Variants in ENOX1 observed in about 807,000 individuals in gnomAD.
ENOX1 encodes ecto-NOX disulfide-thiol exchanger 1.
A neutral mutation model predicts 82.5 loss-of-function variants in ENOX1; 42 were observed. The ratio of observed to expected loss-of-function variants is 0.51; its 90% CI spans 0.40 to 0.66. The LOEUF (loss-of-function observed/expected upper bound fraction) is 0.66, where lower values mean the gene tolerates loss of function less well. ENOX1 is among the 30% of genes least tolerant of loss of function. The probability of loss-of-function intolerance (pLI) is 0.00; values close to 1 mark genes in which losing one functional copy is unlikely to be tolerated. For synonymous variants in ENOX1, 271 were observed against 282.2 expected (o/e 0.96, Z 0.40); for missense variants, 608 against 811.6 (o/e 0.75, Z 3.05).
intron 3 of ENOX1, among the ~76,000 whole-genome samples, chr13:43,435,853 A>T (rs142656600): frequency 6.6e-6 from 1 of 152,222 alleles, no homozygotes; most frequent in Non-Finnish European, 1.5e-5. Context: ...TTGAGGCAGA[A>T]GAAAGGTGTT....
intron 3 of ENOX1, among the ~76,000 whole-genome samples, chr13:43,436,803 G>T (rs1442402764): frequency 6.6e-6 from 1 of 151,996 alleles, no homozygotes; most frequent in East Asian, 1.9e-4. Flanking sequence ...AAACACACAG[G>T]TATCAGGGCT....
chr13:43,671,589 A>G (rs1229297645), intron 1 of ENOX1, among the ~76,000 whole-genome samples: 1 of 152,186 alleles, frequency 6.6e-6, no homozygotes, highest in Non-Finnish European at 1.5e-5. Flanking sequence ...CATTTCTTCA[A>G]AGGTTTCTGA....
chr13:43,678,746 T>A (rs547378920), intron 1 of ENOX1, among the ~76,000 whole-genome samples: 1 of 144,828 alleles, frequency 6.9e-6, no homozygotes, highest in East Asian at 1.9e-4. Flanking sequence ...AGTCACACAC[T>A]CGATACACTG....
chr13:43,713,197 T>C lies in ENOX1; in HGVS notation c.-284-45653A>G, dbSNP rs554689124. Among the ~76,000 whole-genome samples, 38 of 152,330 alleles carry C rather than the reference T, an allele frequency of 2.5e-4. No homozygotes were observed. In the East Asian group the frequency reaches 7.1e-3, roughly 29 times the overall value. On this transcript the variant is annotated intron_variant, in intron 1 of 16. Transcript: ENST00000690772. Reference sequence around the variant, plus strand: ...ATGTGGTTTTTGTCTTTGGTTCTGTTTATATGCTGGATTACATTTATTGAT... The same window carrying C: ...ATGTGGTTTTTGTCTTTGGTTCTGTCTATATGCTGGATTACATTTATTGAT...
intron 8 of ENOX1, among the ~76,000 whole-genome samples, chr13:43,348,950 C>T (rs2049577854): frequency 6.6e-6 from 1 of 152,162 alleles, no homozygotes; most frequent in Admixed American, 6.5e-5. Flanking sequence ...TAAAAAGAAG[C>T]TTGTGCATAG....
intron 12 of ENOX1, among the ~76,000 whole-genome samples, chr13:43,291,143 CCTT>C (rs1374838928): frequency 1.3e-5 from 2 of 152,062 alleles, no homozygotes; most frequent in South Asian, 2.1e-4. Context: ...TTTTTCTTGT[CCTT>C]CTATGCTTGT....
chr13:43,769,937 A>T (rs1395572452), intron 1 of ENOX1, among the ~76,000 whole-genome samples: 1 of 152,236 alleles, frequency 6.6e-6, no homozygotes, highest in African/African-American at 2.4e-5. Context: ...TTCATGGCTT[A>T]GATGGCTTAT....
chr13:43,544,914 C>T (rs2078908627), intron 2 of ENOX1: 1 of 152,160 alleles, frequency 6.6e-6, no homozygotes, highest in South Asian at 2.1e-4. Flanking sequence ...TAAGAGAGAA[C>T]AGTGGTTTTG....
chr13:43,451,177 T>A (rs1484778560), intron 3 of ENOX1, among the ~76,000 whole-genome samples: 4 of 152,128 alleles, frequency 2.6e-5, no homozygotes, highest in African/African-American at 9.7e-5. Flanking sequence ...ACATACCGAG[T>A]CTTACCTTGG....
intron 11 of ENOX1, among the ~76,000 whole-genome samples, chr13:43,301,788 T>C (rs1358264640): frequency 1.3e-5 from 2 of 152,144 alleles, no homozygotes; most frequent in Admixed American, 1.3e-4. Context: ...CACCTGTTTG[T>C]AAACACCACT....
chr13:43,686,816 C>T (rs2086100298), intron 1 of ENOX1, among the ~76,000 whole-genome samples: 1 of 152,120 alleles, frequency 6.6e-6, no homozygotes, highest in Non-Finnish European at 1.5e-5. Flanking sequence ...CAAAGAAATG[C>T]TGCTAATGCT....
chr13:43,596,179 T>C (rs2081463098), intron 2 of ENOX1, among the ~76,000 whole-genome samples: 1 of 152,180 alleles, frequency 6.6e-6, no homozygotes, highest in African/African-American at 2.4e-5. Flanking sequence ...TCTGTCACCA[T>C]TTAGGGCATG....
chr13:43,720,482 C>T (rs1407313063), intron 1 of ENOX1, among the ~76,000 whole-genome samples: 1 of 152,196 alleles, frequency 6.6e-6, no homozygotes, highest in East Asian at 1.9e-4. Context: ...TATAGCTCAG[C>T]TTCCATTTGC....
chr13:43,272,801 A>G (rs2044763824), intron 12 of ENOX1, among the ~76,000 whole-genome samples: 1 of 152,136 alleles, frequency 6.6e-6, no homozygotes, highest in Admixed American at 6.5e-5. Context: ...TAATTATTCT[A>G]ATGTGTAACT....
chr13:43,721,685 T>G (rs1175505845), intron 1 of ENOX1, among the ~76,000 whole-genome samples: 1 of 152,120 alleles, frequency 6.6e-6, no homozygotes, highest in Non-Finnish European at 1.5e-5. Context: ...GCCTATATTT[T>G]ATATCTTTAC....
intron 3 of ENOX1, among the ~76,000 whole-genome samples, chr13:43,418,549 T>G (rs1027170772): frequency 2.0e-5 from 3 of 152,096 alleles, no homozygotes; most frequent in African/African-American, 7.2e-5. Context: ...TAAATAAAAA[T>G]AAATAATACG....
chr13:43,521,690 G>A (rs532422322), intron 2 of ENOX1, among the ~76,000 whole-genome samples: 1 of 152,228 alleles, frequency 6.6e-6, no homozygotes, highest in Non-Finnish European at 1.5e-5. Context: ...GGCTTTGAGT[G>A]CAAAGACCTA....
chr13:43,379,890 G>C lies in ENOX1; in HGVS notation c.209-18438C>G, dbSNP rs1003266646. Among the ~76,000 whole-genome samples the C allele has an allele frequency of 5.7e-4, 87 of 151,650 alleles. 1 individual carries two copies. The highest frequency in any genetic ancestry group is 1.0e-4 in the Non-Finnish European group (7 of 67,760). Reference sequence around the variant, plus strand: ...GAAGTTACTTAAAATCAATGATAAAGACAAACTCTTAAGAGCATCCAGGAA... The same window carrying C: ...GAAGTTACTTAAAATCAATGATAAACACAAACTCTTAAGAGCATCCAGGAA... On this transcript the variant is annotated intron_variant, in intron 5 of 16. Coordinates refer to ENST00000690772, the MANE Select transcript of ENOX1 (RefSeq NM_001347969.2).
intron 12 of ENOX1, among the ~76,000 whole-genome samples, chr13:43,289,508 T>C (rs1179047943): frequency 6.6e-6 from 1 of 152,244 alleles, no homozygotes; most frequent in Non-Finnish European, 1.5e-5. Flanking sequence ...ATAGGATAAC[T>C]GACTAGCCTT....
Sources: allele counts gnomAD v4.1 joint callset (sites outside exome capture counted in the v4.1 genomes callset), GRCh38; gene constraint gnomAD v4.1.1; transcripts MANE v1.5; gene names NCBI Gene and HGNC (gene_info 2026-07-23, HGNC 2026-07-21).